Variants in CNTNAP2 observed in about 807,000 individuals in gnomAD.
The protein encoded by CNTNAP2 is contactin-associated protein-like 2.
In CNTNAP2, 98 loss-of-function variants were observed where a neutral mutation model predicts 155.2. The ratio of observed to expected loss-of-function variants is 0.63; its 90% CI spans 0.54 to 0.75. CNTNAP2 has a LOEUF of 0.75. Among genes scored for constraint, CNTNAP2 ranks in the 30% least tolerant of loss-of-function variants. The probability of loss-of-function intolerance (pLI) is 0.00; values close to 1 mark genes in which losing one functional copy is unlikely to be tolerated. For synonymous variants in CNTNAP2, 651 were observed against 631.2 expected, an observed-to-expected ratio of 1.03 and a Z score of -0.47; for missense variants, 1,727 against 1,688.1, an observed-to-expected ratio of 1.02 and a Z score of -0.40.
chr7:146,622,506 C>T (rs1257724022), intron 1 of CNTNAP2, among the ~76,000 whole-genome samples: 2 of 152,010 alleles, frequency 1.3e-5, no homozygotes, highest in Non-Finnish European at 2.9e-5. Flanking sequence ...TCTGTGTCTT[C>T]ATATCTGTTT....
intron 1 of CNTNAP2, among the ~76,000 whole-genome samples, chr7:146,495,118 T>C (rs1379345077): frequency 1.3e-5 from 2 of 152,194 alleles, no homozygotes; most frequent in African/African-American, 2.4e-5. Context: ...AGTGAGGTTG[T>C]CAAATCTGTG....
chr7:146,920,074 A>AAG (rs953187100), intron 3 of CNTNAP2, among the ~76,000 whole-genome samples: 8 of 152,176 alleles, frequency 5.3e-5, no homozygotes, highest in African/African-American at 1.2e-4. Context: ...AAGCCTGACA[A>AAG]GGGGAAATAT....
intron 3 of CNTNAP2, among the ~76,000 whole-genome samples, chr7:146,946,563 T>G (rs1797179311): frequency 1.3e-5 from 2 of 151,964 alleles, no homozygotes; most frequent in South Asian, 4.1e-4. Flanking sequence ...AAAAAAATTA[T>G]TTGAAATTGC....
At position 147,627,743 on chromosome 7, in the gene CNTNAP2, T is replaced by C. The variant is rs974374261; in HGVS notation, c.1898-11363T>C. 4.1e-5 allele frequency among the ~76,000 whole-genome samples: 6 copies of C among 145,212 alleles called. No homozygotes were observed. In the Middle Eastern group the frequency reaches 0.011, roughly 259 times the overall value. Reference sequence around the variant, plus strand: ...ATTAAAACAAAATACAGGATATGGATGAAAAATTCTCCACATAAATAGATG... The same window carrying C: ...ATTAAAACAAAATACAGGATATGGACGAAAAATTCTCCACATAAATAGATG... On this transcript the variant is annotated intron_variant, in intron 12 of 23. Coordinates refer to ENST00000361727, the MANE Select transcript of CNTNAP2 (RefSeq NM_014141.6).
rs1584873008 is a variant in CNTNAP2 at position 147,639,108 on chromosome 7, G to T, written c.1900G>T (p.Asp634Tyr). The change falls in exon 13 of 24, where the codon GAC becomes TAC. Residue 634 changes from aspartate (D) to tyrosine (Y), a missense_variant and splice_region_variant. Asp to Tyr is a radical substitution (Grantham distance 160). Transcript: ENST00000361727. Reference protein sequence around the residue: ...PLKVYCNMTEDKVWTIVSHDL... With the variant: ...PLKVYCNMTEYKVWTIVSHDL... ...CCTGGTTGTTTTTCTCCCCACAGAG[G>T]ACAAAGTGTGGACCATAGTGTCTCA... is the stretch of plus-strand genomic sequence containing the variant. 1 of 1,614,028 alleles carries T rather than the reference G, an allele frequency of 6.2e-7. No individual in the cohort carries two copies. The highest frequency in any genetic ancestry group is 1.3e-5 in the African/African-American group (1 of 75,016).
At chr7:146,483,282 A>AAAAAATATAT (rs1178407767) in intron 1 of CNTNAP2, among the ~76,000 whole-genome samples, 8 of 39,874 alleles carry the variant, frequency 2.0e-4, no homozygotes, top group Admixed American at 3.1e-4. Context: ...TCTAAAAAAA[A>AAAAAATATAT]ATATATATAT....
At chr7:148,120,442 G>T (rs1804573660) in intron 16 of CNTNAP2, among the ~76,000 whole-genome samples, 1 of 151,754 alleles carries the variant, frequency 6.6e-6, no homozygotes, top group South Asian at 2.1e-4. Flanking sequence ...AATTGTTGTG[G>T]TTTTTGTCAC....
intron 12 of CNTNAP2, among the ~76,000 whole-genome samples, chr7:147,577,936 C>T (rs1186828999): frequency 6.6e-6 from 1 of 151,996 alleles, no homozygotes; most frequent in African/African-American, 2.4e-5. Context: ...TTTCCATACA[C>T]AGTATTCATT....
intron 15 of CNTNAP2, among the ~76,000 whole-genome samples, chr7:148,091,325 A>G (rs1803836568): frequency 6.6e-6 from 1 of 152,216 alleles, no homozygotes. Context: ...GTATATGTAT[A>G]TAATCTCAAA....
chr7:147,436,158 CT>C (rs1797544834), intron 10 of CNTNAP2, among the ~76,000 whole-genome samples: 1 of 152,106 alleles, frequency 6.6e-6, no homozygotes, highest in African/African-American at 2.4e-5. Context: ...ATAAAGAGGT[CT>C]TATTTCATTA....
At chr7:147,509,158 T>C (rs1164302473) in intron 11 of CNTNAP2, among the ~76,000 whole-genome samples, 1 of 152,160 alleles carries the variant, frequency 6.6e-6, no homozygotes. Flanking sequence ...TGGCATGTTC[T>C]TCATTACTCA....
At chr7:146,448,932 C>A (rs1029328144) in intron 1 of CNTNAP2, among the ~76,000 whole-genome samples, 3 of 152,034 alleles carry the variant, frequency 2.0e-5, no homozygotes, top group African/African-American at 4.8e-5. Context: ...TCTTTCATCT[C>A]TTTTTCTGTT....
chr7:147,352,136 TTGAC>T (rs1323957404), intron 9 of CNTNAP2, among the ~76,000 whole-genome samples: 1 of 151,958 alleles, frequency 6.6e-6, no homozygotes, highest in East Asian at 1.9e-4. Context: ...TCTCAGAAAT[TTGAC>T]TGACATGACT....
intron 13 of CNTNAP2, among the ~76,000 whole-genome samples, chr7:147,867,846 C>T (rs970724013): frequency 2.0e-5 from 3 of 152,036 alleles, no homozygotes; most frequent in African/African-American, 4.8e-5. Flanking sequence ...GTTAGCCATT[C>T]GTCTAGCCTT....
intron 10 of CNTNAP2, among the ~76,000 whole-genome samples, chr7:147,484,814 T>C (rs1798483274): frequency 6.6e-6 from 1 of 152,238 alleles, no homozygotes; most frequent in Non-Finnish European, 1.5e-5. Context: ...GCTCTTTATC[T>C]GTCCTTTGCC....
intron 9 of CNTNAP2, among the ~76,000 whole-genome samples, chr7:147,370,637 G>A (rs1796325599): frequency 6.6e-6 from 1 of 152,068 alleles, no homozygotes; most frequent in African/African-American, 2.4e-5. Context: ...CGACAACTAT[G>A]TAAGACAATA....
intron 1 of CNTNAP2, among the ~76,000 whole-genome samples, chr7:146,340,757 T>C (rs1490683032): frequency 6.6e-6 from 1 of 152,176 alleles, no homozygotes; most frequent in Non-Finnish European, 1.5e-5. Context: ...TATGGGTTGG[T>C]TTCAGACCTG....
At chr7:148,215,628 A>G (rs189035666) in intron 18 of CNTNAP2, among the ~76,000 whole-genome samples, 34 of 152,036 alleles carry the variant, frequency 2.2e-4, no homozygotes, top group Non-Finnish European at 4.4e-4. Context: ...TACAACGGTA[A>G]CCTGTCTTTG....
intron 1 of CNTNAP2, among the ~76,000 whole-genome samples, chr7:146,281,167 T>C (rs945204061): frequency 6.6e-5 from 10 of 152,194 alleles, no homozygotes; most frequent in Non-Finnish European, 8.8e-5. Context: ...CTGGTGTTAG[T>C]TCAAGTTTGA....
Sources: gnomAD v4.1 joint callset for allele counts (sites outside exome capture counted in the v4.1 genomes callset) on GRCh38, gnomAD v4.1.1 for gene constraint, MANE v1.5 for transcripts, NCBI Gene and HGNC (gene_info 2026-07-23, HGNC 2026-07-21) for gene names.